NAV1: variants seen among roughly 807,000 people sequenced by gnomAD.
The protein encoded by NAV1 is pore membrane and/or filament interacting like protein 3.
In NAV1, 18 loss-of-function variants were observed where a neutral mutation model predicts 175.2. That is an observed-to-expected ratio of 0.10 (90% CI 0.07 to 0.15). NAV1 has a LOEUF of 0.15. NAV1 is among the 10% of genes least tolerant of loss of function. The pLI is 1.00. For synonymous variants in NAV1, 897 were observed against 978.7 expected, an observed-to-expected ratio of 0.92 and a Z score of 1.56; for missense variants, 1,731 against 2,436.6, an observed-to-expected ratio of 0.71 and a Z score of 6.10.
intron 1 of NAV1, among the ~76,000 whole-genome samples, chr1:201,689,783 G>A (rs1670827703): frequency 6.6e-6 from 1 of 152,204 alleles, no homozygotes; most frequent in South Asian, 2.1e-4. Flanking sequence ...TGAGAGAGAT[G>A]TGCGATTGGG....
intron 3 of NAV1, among the ~76,000 whole-genome samples, chr1:201,746,172 TC>T (rs138557969): frequency 0.11 from 16,336 of 152,244 alleles, 1,165 homozygotes; most frequent in Non-Finnish European, 0.16. Flanking sequence ...TATTTACTCA[TC>T]ATATGGTGAT....
At chr1:201,735,367 G>A (rs958398786) in intron 3 of NAV1, among the ~76,000 whole-genome samples, 5 of 152,154 alleles carry the variant, frequency 3.3e-5, no homozygotes, top group African/African-American at 1.2e-4. Context: ...GTCCTTTTTG[G>A]CTCAAACGTT....
intron 17 of NAV1, among the ~76,000 whole-genome samples, chr1:201,806,590 A>G (rs1047891491): frequency 6.6e-6 from 1 of 152,202 alleles, no homozygotes; most frequent in African/African-American, 2.4e-5. Context: ...CTGGATTGAA[A>G]ATTAGGAAGC....
At chr1:201,753,567 A>T (rs1357114338) in intron 3 of NAV1, among the ~76,000 whole-genome samples, 3 of 152,230 alleles carry the variant, frequency 2.0e-5, no homozygotes, top group Non-Finnish European at 2.9e-5. Context: ...TGACTCCTTC[A>T]GAATGACAGT....
At chr1:201,549,139 CTT>C (rs1227237149) in intron 1 of NAV1, among the ~76,000 whole-genome samples, 2 of 125,466 alleles carry the variant, frequency 1.6e-5, no homozygotes, top group African/African-American at 2.8e-5. Flanking sequence ...TTCTTTCTTT[CTT>C]TCTTCTTTCT....
intron 2 of NAV1, among the ~76,000 whole-genome samples, chr1:201,638,681 A>G (rs2102309148): frequency 6.6e-6 from 1 of 152,358 alleles, no homozygotes; most frequent in Non-Finnish European, 1.5e-5. Flanking sequence ...ACAGACCTAT[A>G]TTCAAATTCT....
intron 3 of NAV1, among the ~76,000 whole-genome samples, chr1:201,742,987 A>T (rs1673528607): frequency 6.6e-6 from 1 of 152,186 alleles, no homozygotes; most frequent in South Asian, 2.1e-4. Context: ...TCATTTTAAC[A>T]TGAGGCTGTA....
At chr1:201,641,754 C>A (rs1012344788) in intron 2 of NAV1, among the ~76,000 whole-genome samples, 1 of 152,206 alleles carries the variant, frequency 6.6e-6, no homozygotes, top group African/African-American at 2.4e-5. Flanking sequence ...AGCCATGTGG[C>A]TGGGTTCCCA....
intron 3 of NAV1, among the ~76,000 whole-genome samples, chr1:201,755,755 T>C (rs1674412194): frequency 6.6e-6 from 1 of 152,128 alleles, no homozygotes; most frequent in Non-Finnish European, 1.5e-5. Flanking sequence ...GTCATTAAAA[T>C]AAACCTCCTC....
At chr1:201,705,146 C>A (rs1044051247) in intron 1 of NAV1, among the ~76,000 whole-genome samples, 6 of 152,144 alleles carry the variant, frequency 3.9e-5, no homozygotes, top group Non-Finnish European at 7.3e-5. Context: ...GTTGTCCACC[C>A]GGCATGCCCT....
chr1:201,764,026 C>T (rs1238367673), intron 3 of NAV1, among the ~76,000 whole-genome samples: 1 of 152,182 alleles, frequency 6.6e-6, no homozygotes, highest in Non-Finnish European at 1.5e-5. Flanking sequence ...CCTTGATTTT[C>T]TCAATCCATA....
chr1:201,735,943 C>CCTTT (rs1440100321), intron 3 of NAV1, among the ~76,000 whole-genome samples: 2 of 152,182 alleles, frequency 1.3e-5, no homozygotes, highest in Non-Finnish European at 2.9e-5. Context: ...TCTCCCAATT[C>CCTTT]CTTTCTCTTT....
chr1:201,571,263 G>A (rs1287619426), intron 1 of NAV1, among the ~76,000 whole-genome samples: 3 of 152,244 alleles, frequency 2.0e-5, no homozygotes, highest in Non-Finnish European at 4.4e-5. Flanking sequence ...AGGTAGTGCT[G>A]GGAGTTGCTG....
At chr1:201,569,776 T>A (rs1666476281) in intron 1 of NAV1, among the ~76,000 whole-genome samples, 1 of 152,148 alleles carries the variant, frequency 6.6e-6, no homozygotes, top group African/African-American at 2.4e-5. Context: ...TATCCGCTGG[T>A]CCAGTTCTCT....
At chr1:201,664,493 T>C (rs1209487674) in intron 1 of NAV1, among the ~76,000 whole-genome samples, 1 of 152,202 alleles carries the variant, frequency 6.6e-6, no homozygotes, top group Non-Finnish European at 1.5e-5. Flanking sequence ...TTAAATGAGA[T>C]AATGCATGTA....
intron 1 of NAV1, among the ~76,000 whole-genome samples, chr1:201,550,414 T>C (rs1040252840): frequency 2.0e-5 from 3 of 152,130 alleles, no homozygotes; most frequent in African/African-American, 7.2e-5. Flanking sequence ...TCAGGATTGC[T>C]CCCAACCTTG....
chr1:201,657,365 A>G (rs1010404609), intron 1 of NAV1, among the ~76,000 whole-genome samples: 4 of 152,170 alleles, frequency 2.6e-5, no homozygotes, highest in African/African-American at 7.2e-5. Flanking sequence ...ATTTCTACCC[A>G]TGAGTCTGAA....
Position 201,654,879 on chromosome 1 carries a change from T to A in NAV1, c.757+5454T>A, listed in dbSNP as rs2493788. Among the ~76,000 whole-genome samples the A allele has an allele frequency of 5.2e-4, 79 of 152,276 alleles. 1 individual carries two copies. In the East Asian group the frequency reaches 0.012, roughly 23 times the overall value. On this transcript the variant is annotated intron_variant, in intron 1 of 29. Coordinates refer to ENST00000367296, the Ensembl canonical transcript of NAV1. ...TTCCAGGAAAGCACTCATTATTAGA[T>A]AGATATTTCTTCTGTTGAGCTTTGA... is the stretch of plus-strand genomic sequence containing the variant.
At chr1:201,629,367 C>T (rs139779918) in intron 1 of NAV1, 37 bp from the exon 4 acceptor site, 3 of 1,277,618 alleles carry the variant, frequency 2.3e-6, no homozygotes, top group Non-Finnish European at 3.1e-6. Flanking sequence ...ACCAGGACAT[C>T]TCTACCATGA....
Sources: gnomAD v4.1 joint callset for allele counts (sites outside exome capture counted in the v4.1 genomes callset) on GRCh38, gnomAD v4.1.1 for gene constraint, MANE v1.5 for transcripts, NCBI Gene and HGNC (gene_info 2026-07-23, HGNC 2026-07-21) for gene names.